GLMN: variants seen among roughly 807,000 people sequenced by gnomAD.
GLMN encodes glomulin.
Under a neutral mutation model 87.8 loss-of-function variants are expected in GLMN, and 75 were observed. The observed-to-expected ratio is 0.85, with a 90% CI of 0.71 to 1.04. The LOEUF is 1.04. Among genes scored for constraint, GLMN ranks in the 50% least tolerant of loss-of-function variants. The pLI is 0.00. For synonymous variants in GLMN, 206 were observed against 221.6 expected (o/e 0.93, Z 0.63); for missense variants, 588 against 658.8 (o/e 0.89, Z 1.18).
At chr1:92,326,775 C>A in the GLMN span, among the ~76,000 whole-genome samples, 11 of 152,162 alleles carry the variant, frequency 7.2e-5, no homozygotes, top group African/African-American at 2.2e-4. Flanking sequence ...CCCATGCAAC[C>A]CAAAAGACCA....
At chr1:92,247,767 T>TA (rs1652884838) in intron 17 of GLMN, 111 bp downstream of exon 17, 1 of 668,528 alleles carries the variant, frequency 1.5e-6, no homozygotes, top group East Asian at 2.7e-5. Context: ...GCTTAGCTGT[T>TA]ATGGTCTCTA....
At chr1:92,272,888 G>C (rs1656386632) in intron 7 of GLMN, among the ~76,000 whole-genome samples, 1 of 152,086 alleles carries the variant, frequency 6.6e-6, no homozygotes, top group Non-Finnish European at 1.5e-5. Flanking sequence ...TTGAGTTTTG[G>C]CTCTACCATT....
intron 8 of GLMN, 51 bp from the exon 9 acceptor site, chr1:92,269,827 T>C (rs770691532): frequency 1.8e-6 from 2 of 1,131,536 alleles, no homozygotes; most frequent in Non-Finnish European, 2.7e-6. Context: ...CACAGAGATA[T>C]GTACACACAT....
chr1:92,344,048 G>T, the GLMN span, among the ~76,000 whole-genome samples: 9 of 152,248 alleles, frequency 5.9e-5, 1 homozygote, highest in Admixed American at 3.3e-4. Flanking sequence ...TATCCTTCTA[G>T]TCTTTTTTTT....
intron 17 of GLMN, 60 bp from the exon 18 acceptor site, chr1:92,247,204 T>C: frequency 1.2e-6 from 1 of 836,336 alleles, no homozygotes; most frequent in African/African-American, 1.7e-5. Context: ...AACAAAGGTA[T>C]AAGCTACTTT....
the GLMN span, chr1:92,324,396 GT>G: frequency 4.5e-6 from 7 of 1,557,662 alleles, no homozygotes; most frequent in Non-Finnish European, 6.1e-6. Context: ...CAGACATTGA[GT>G]TTTTCCAGAT....
chr1:92,290,459 G>C (rs1649277428), intron 4 of GLMN, among the ~76,000 whole-genome samples, 153 bp from the exon 5 acceptor site: 1 of 152,164 alleles, frequency 6.6e-6, no homozygotes, highest in Admixed American at 6.5e-5. Flanking sequence ...GAAAAAATAT[G>C]CATGAGCAAA....
At chr1:92,276,249 A>C (rs939393174) in intron 7 of GLMN, among the ~76,000 whole-genome samples, 10 of 151,732 alleles carry the variant, frequency 6.6e-5, no homozygotes, top group Non-Finnish European at 1.2e-4. Flanking sequence ...ACACATTTAC[A>C]TATAATTCTA....
At chr1:92,364,473 C>G in the GLMN span, among the ~76,000 whole-genome samples, 1 of 152,170 alleles carries the variant, frequency 6.6e-6, no homozygotes, top group Non-Finnish European at 1.5e-5. Context: ...TCAGCTCTGA[C>G]ATCTCTCCTA....
the GLMN span, chr1:92,324,124 C>A: frequency 1.2e-6 from 2 of 1,614,120 alleles, no homozygotes; most frequent in Non-Finnish European, 1.7e-6. Flanking sequence ...CGAAGCCTCT[C>A]TGGTTAAAGA....
the GLMN span, among the ~76,000 whole-genome samples, chr1:92,317,579 C>G: frequency 6.6e-6 from 1 of 152,108 alleles, no homozygotes; most frequent in Non-Finnish European, 1.5e-5. Context: ...AACCATCTAG[C>G]AGACAATTTG....
At chr1:92,267,887 AAT>A (rs749507662) in intron 11 of GLMN, 24 bp downstream of exon 11, 1 of 1,063,012 alleles carries the variant, frequency 9.4e-7, no homozygotes, top group East Asian at 2.4e-5. Flanking sequence ...GGCTATTTTC[AAT>A]ATTAGAATAC....
the GLMN span, among the ~76,000 whole-genome samples, chr1:92,345,691 TTATTATAC>T: frequency 6.6e-6 from 1 of 152,166 alleles, no homozygotes; most frequent in Non-Finnish European, 1.5e-5. Context: ...TTGAGCCACA[TTATTATAC>T]TATTGACTCT....
At chr1:92,343,403 C>T in the GLMN span, among the ~76,000 whole-genome samples, 1 of 152,154 alleles carries the variant, frequency 6.6e-6, no homozygotes, top group Non-Finnish European at 1.5e-5. Flanking sequence ...CAAAATAAAA[C>T]ACTACTGAGG....
At chr1:92,247,814 A>G in intron 17 of GLMN, 64 bp downstream of exon 17, 1 of 765,410 alleles carries the variant, frequency 1.3e-6, no homozygotes, top group Non-Finnish European at 2.4e-6. Context: ...AAATTTGAAT[A>G]TGACAGTTCC....
At chr1:92,342,804 C>T in the GLMN span, among the ~76,000 whole-genome samples, 1 of 152,054 alleles carries the variant, frequency 6.6e-6, no homozygotes, top group South Asian at 2.1e-4. Flanking sequence ...GCCTGAGCAA[C>T]TGGATTCTGG....
chr1:92,295,960 G>A (rs1649998264), intron 3 of GLMN, among the ~76,000 whole-genome samples: 1 of 152,032 alleles, frequency 6.6e-6, no homozygotes, highest in African/African-American at 2.4e-5. Context: ...AAATCAAGAA[G>A]AGTTTAAAAA....
intron 16 of GLMN, among the ~76,000 whole-genome samples, chr1:92,261,069 A>G (rs185210015): frequency 1.3e-5 from 2 of 152,318 alleles, no homozygotes; most frequent in East Asian, 3.9e-4. Flanking sequence ...CTAAAAAAAT[A>G]AAAACTCATA....
chr1:92,284,837 C>CATT (rs1377326341), intron 7 of GLMN, among the ~76,000 whole-genome samples: 1 of 152,066 alleles, frequency 6.6e-6, no homozygotes, highest in Admixed American at 6.5e-5. Flanking sequence ...CAAAAGAAGA[C>CATT]ATTTATACAG....
Sources: allele counts gnomAD v4.1 joint callset (sites outside exome capture counted in the v4.1 genomes callset), GRCh38; gene constraint gnomAD v4.1.1; transcripts MANE v1.5; gene names NCBI Gene and HGNC (gene_info 2026-07-23, HGNC 2026-07-21).